The following FHIT variants were observed in gnomAD, a reference collection of about 807,000 sequenced individuals.
FHIT encodes the protein fragile histidine triad diadenosine triphosphatase.
Under a neutral mutation model 17.9 loss-of-function variants are expected in FHIT, and 19 were observed. That is an observed-to-expected ratio of 1.06 (90% confidence interval 0.74 to 1.56). FHIT has a LOEUF of 1.56. Ranked by LOEUF, FHIT falls within the 40% of genes most tolerant of loss-of-function variation. The pLI is 0.00. For synonymous variants in FHIT, 81 were observed against 69.7 expected (o/e 1.16, Z -0.81); for missense variants, 248 against 189.2 (o/e 1.31, Z -1.82).
intron 3 of FHIT, among the ~76,000 whole-genome samples, chr3:61,022,240 A>T (rs1284895861): frequency 6.6e-6 from 1 of 152,160 alleles, no homozygotes; most frequent in Non-Finnish European, 1.5e-5. Context: ...ACTAGAAAAT[A>T]TAGAAGAAAT....
chr3:60,565,852 T>C (rs2037115350), intron 4 of FHIT, among the ~76,000 whole-genome samples: 1 of 152,186 alleles, frequency 6.6e-6, no homozygotes, highest in South Asian at 2.1e-4. Context: ...ATTGTGATGT[T>C]AGGGTGTCAA....
chr3:60,827,424 G>T (rs1702163434), intron 3 of FHIT, among the ~76,000 whole-genome samples: 1 of 152,166 alleles, frequency 6.6e-6, no homozygotes, highest in Non-Finnish European at 1.5e-5. Context: ...TCCTAAAAAT[G>T]GGATTTGGAT....
intron 1 of FHIT, among the ~76,000 whole-genome samples, chr3:61,214,985 T>C (rs2039624399): frequency 6.6e-6 from 1 of 151,362 alleles, no homozygotes; most frequent in Non-Finnish European, 1.5e-5. Flanking sequence ...TCTCAATGAA[T>C]TAGGTATTGA....
intron 5 of FHIT, among the ~76,000 whole-genome samples, chr3:60,480,790 CCCCCAACT>C (rs1370990637): frequency 6.6e-6 from 1 of 152,210 alleles, no homozygotes; most frequent in Non-Finnish European, 1.5e-5. Context: ...ACACCCCTCT[CCCCCAACT>C]CCCCAACGGC....
intron 8 of FHIT, among the ~76,000 whole-genome samples, chr3:59,775,705 C>G (rs1702276958): frequency 6.6e-6 from 1 of 152,144 alleles, no homozygotes; most frequent in Non-Finnish European, 1.5e-5. Context: ...ATGGTTTCCC[C>G]TTTGTCACAG....
chr3:59,755,901 C>T (rs1015749572), intron 8 of FHIT, among the ~76,000 whole-genome samples: 2 of 151,788 alleles, frequency 1.3e-5, no homozygotes, highest in African/African-American at 2.4e-5. Context: ...TCCAAGAAGG[C>T]GAGAGTTAGT....
Position 60,652,374 on chromosome 3 carries a change from G to A in FHIT, c.-17-115395C>T, listed in dbSNP as rs192836793. 3.3e-3 allele frequency among the ~76,000 whole-genome samples: 505 copies of A among 152,170 alleles called. 2 individuals are homozygous for A. Among genetic ancestry groups the A allele is most frequent in the Non-Finnish European group, 4.9e-3 (331 of 68,020 alleles). On this transcript the variant is annotated intron_variant, in intron 4 of 9. Transcript: ENST00000492590. ...CCAGCACTTTGGGAGGCCAAGGCAG[G>A]GGGGATCACTTGAGGTTGGGAGTTC...
chr3:60,123,477 G>C (rs1171638502), intron 5 of FHIT, among the ~76,000 whole-genome samples: 1 of 152,106 alleles, frequency 6.6e-6, no homozygotes, highest in Non-Finnish European at 1.5e-5. Flanking sequence ...CAAACTTAGG[G>C]AGAAGTTGTG....
intron 4 of FHIT, among the ~76,000 whole-genome samples, chr3:60,662,714 A>G (rs1204338502): frequency 6.6e-6 from 1 of 152,100 alleles, no homozygotes; most frequent in Non-Finnish European, 1.5e-5. Context: ...TGCGTCATCT[A>G]TGATTTCCTT....
chr3:60,844,608 C>T (rs1702859049), intron 3 of FHIT, among the ~76,000 whole-genome samples: 1 of 152,070 alleles, frequency 6.6e-6, no homozygotes, highest in South Asian at 2.1e-4. Context: ...TTTCTTAATG[C>T]CACAAGTGAA....
chr3:60,726,365 A>G (rs1326947669), intron 4 of FHIT, among the ~76,000 whole-genome samples: 1 of 152,230 alleles, frequency 6.6e-6, no homozygotes, highest in Non-Finnish European at 1.5e-5. Context: ...TCATTAAACA[A>G]TAATATAATA....
intron 3 of FHIT, among the ~76,000 whole-genome samples, chr3:60,944,426 C>T (rs1315607272): frequency 2.6e-5 from 4 of 152,014 alleles, no homozygotes; most frequent in Non-Finnish European, 5.9e-5. Context: ...TTCAGTGTGT[C>T]AGTGAGCACA....
chr3:60,759,280 A>G (rs1161255327), intron 4 of FHIT, among the ~76,000 whole-genome samples: 1 of 152,216 alleles, frequency 6.6e-6, no homozygotes, highest in Non-Finnish European at 1.5e-5. Context: ...GGATAGAAAT[A>G]GAGAACACTT....
chr3:60,836,117 G>A (rs2106839578), intron 3 of FHIT, among the ~76,000 whole-genome samples: 1 of 152,244 alleles, frequency 6.6e-6, no homozygotes, highest in African/African-American at 2.4e-5. Context: ...AACCAGCCTT[G>A]CACTGCTGGA....
intron 2 of FHIT, among the ~76,000 whole-genome samples, chr3:61,165,296 C>T (rs1403394899): frequency 2.0e-5 from 3 of 152,152 alleles, no homozygotes; most frequent in Non-Finnish European, 1.5e-5. Context: ...GCCTCACCAA[C>T]ATGTGTTGTT....
intron 4 of FHIT, among the ~76,000 whole-genome samples, chr3:60,734,804 A>G (rs1420658946): frequency 6.6e-6 from 1 of 152,252 alleles, no homozygotes; most frequent in Non-Finnish European, 1.5e-5. Flanking sequence ...TAATCCTGTA[A>G]GAAAGATTTG....
chr3:60,173,915 A>ATATATATATATTTTTTTTTTTT lies in FHIT; in HGVS notation c.104-159764_104-159763insAAAAAAAAAAAATATATATATA. ...TATATATATATATATATATATATAT[A>ATATATATATATTTTTTTTTTTT]TGTTTTTTTTTTTTTTTGAGATCGA... is the stretch of plus-strand genomic sequence containing the variant. On this transcript the variant is annotated intron_variant, in intron 5 of 9. Transcript: ENST00000492590. Among the ~76,000 whole-genome samples, 10 of 66,436 alleles carry ATATATATATATTTTTTTTTTTT rather than the reference A, an allele frequency of 1.5e-4. 1 individual carries two copies. The highest frequency in any genetic ancestry group is 7.9e-4 in the East Asian group (1 of 1,264). 43.6% of individuals were successfully genotyped at this position (66,436 alleles called of 152,430 possible). A position where few individuals can be genotyped will look rare whatever the true frequency, so the allele number is the denominator to read the frequency against.
chr3:60,231,562 C>T (rs373687758), intron 5 of FHIT, among the ~76,000 whole-genome samples: 5 of 152,168 alleles, frequency 3.3e-5, no homozygotes, highest in African/African-American at 1.2e-4. Context: ...CTGAACAAGA[C>T]ACCATCTAGT....
chr3:60,319,024 G>C (rs1709294889), intron 5 of FHIT, among the ~76,000 whole-genome samples: 1 of 151,938 alleles, frequency 6.6e-6, no homozygotes, highest in South Asian at 2.1e-4. Flanking sequence ...CCTTCCTCCT[G>C]CCTTCCTCTT....
Sources: allele counts gnomAD v4.1 joint callset (sites outside exome capture counted in the v4.1 genomes callset), GRCh38; gene constraint gnomAD v4.1.1; transcripts MANE v1.5; gene names NCBI Gene and HGNC (gene_info 2026-07-23, HGNC 2026-07-21).